CLMP: variants seen among roughly 807,000 people sequenced by gnomAD.
The protein encoded by CLMP is CXADR like cell adhesion molecule, also known as CXADR-like membrane protein.
In CLMP, 27 loss-of-function variants were observed where a neutral mutation model predicts 45.2. That is an observed-to-expected ratio of 0.60 (90% confidence interval 0.44 to 0.82). The LOEUF is 0.82. CLMP is among the 40% of genes least tolerant of loss of function. The pLI, the probability that CLMP is intolerant of heterozygous loss-of-function variation, is 0.00. For missense variants in CLMP, 403 were observed against 448.4 expected (o/e 0.90, Z 0.91); for synonymous variants, 167 against 171.4 (o/e 0.97, Z 0.20).
At chr11:123,158,560 G>A (rs1295923982) in intron 1 of CLMP, among the ~76,000 whole-genome samples, 2 of 152,140 alleles carry the variant, frequency 1.3e-5, no homozygotes, top group Admixed American at 6.6e-5. Context: ...GGCACTGCTC[G>A]TTGTTTTCCC....
chr11:123,153,846 CTTTT>C (rs60591379), intron 1 of CLMP, among the ~76,000 whole-genome samples: 2 of 123,904 alleles, frequency 1.6e-5, no homozygotes, highest in Non-Finnish European at 3.3e-5. Context: ...CCATGCCTCA[CTTTT>C]TTTTTTTTTT....
At chr11:123,074,043 A>G (rs908822512) in intron 6 of CLMP, among the ~76,000 whole-genome samples, 4 of 152,144 alleles carry the variant, frequency 2.6e-5, no homozygotes, top group Non-Finnish European at 4.4e-5. Context: ...CTCCTGATTT[A>G]GGGTTTGTCT....
chr11:123,112,162 ACT>A (rs1860647819), intron 1 of CLMP, among the ~76,000 whole-genome samples: 1 of 151,884 alleles, frequency 6.6e-6, no homozygotes. Flanking sequence ...TGGCAAAATA[ACT>A]CTGAAGGCTC....
intron 1 of CLMP, among the ~76,000 whole-genome samples, chr11:123,114,458 CCCTT>C (rs1328156011): frequency 1.3e-4 from 17 of 132,218 alleles, no homozygotes; most frequent in African/African-American, 3.8e-4. Context: ...CTCTCTCCCT[CCCTT>C]CCTTCCTTCC....
intron 1 of CLMP, among the ~76,000 whole-genome samples, chr11:123,103,802 C>T (rs1565382998): frequency 6.6e-6 from 1 of 150,692 alleles, no homozygotes; most frequent in Non-Finnish European, 1.5e-5. Flanking sequence ...TTTAAACCCA[C>T]CTAAGCAGAG....
chr11:123,075,351 C>T (rs1865725412), intron 5 of CLMP, among the ~76,000 whole-genome samples: 1 of 151,990 alleles, frequency 6.6e-6, no homozygotes, highest in Admixed American at 6.6e-5. Context: ...GTTACTGAAT[C>T]ACAGACTTCG....
At chr11:123,089,791 AAAGAAAAAG>A (rs1565379376) in intron 2 of CLMP, among the ~76,000 whole-genome samples, 5 of 135,990 alleles carry the variant, frequency 3.7e-5, no homozygotes, top group Admixed American at 1.5e-4. Context: ...AAAAAAAAAA[AAAGAAAAAG>A]AAAAAGAAAC....
chr11:123,075,761 T>C (rs1459969031), intron 5 of CLMP, among the ~76,000 whole-genome samples: 1 of 152,172 alleles, frequency 6.6e-6, no homozygotes, highest in East Asian at 1.9e-4. Flanking sequence ...AATCATAGCA[T>C]GTCTGAAGAT....
At chr11:123,076,009 C>A (rs1224495547) in intron 5 of CLMP, among the ~76,000 whole-genome samples, 1 of 152,050 alleles carries the variant, frequency 6.6e-6, no homozygotes, top group African/African-American at 2.4e-5. Flanking sequence ...CCCGTCTCTA[C>A]TAAAAATACA....
intron 1 of CLMP, among the ~76,000 whole-genome samples, chr11:123,135,424 G>A (rs1861058826): frequency 6.6e-6 from 1 of 152,118 alleles, no homozygotes; most frequent in Admixed American, 6.6e-5. Flanking sequence ...AATGTCCCAA[G>A]AGGGAACAGT....
chr11:123,110,672 G>A (rs180967541), intron 1 of CLMP, among the ~76,000 whole-genome samples: 163 of 152,254 alleles, frequency 1.1e-3, no homozygotes, highest in African/African-American at 3.8e-3. Flanking sequence ...AGCTGCGGGC[G>A]TCAGTCAAGG....
At chr11:123,169,462 C>T (rs1343655504) in intron 1 of CLMP, among the ~76,000 whole-genome samples, 1 of 152,158 alleles carries the variant, frequency 6.6e-6, no homozygotes, top group Admixed American at 6.5e-5. Flanking sequence ...CTTCCTTGGA[C>T]AAGACACTGA....
intron 1 of CLMP, among the ~76,000 whole-genome samples, chr11:123,132,981 C>G (rs916277156): frequency 6.6e-6 from 1 of 152,052 alleles, no homozygotes; most frequent in African/African-American, 2.4e-5. Context: ...GTTGGCCAGG[C>G]TGGTCTCAAA....
intron 1 of CLMP, among the ~76,000 whole-genome samples, chr11:123,150,496 G>GCAGGCAGGCAGGC (rs1565397509): frequency 2.3e-5 from 2 of 86,996 alleles, no homozygotes; most frequent in African/African-American, 4.5e-5. Flanking sequence ...AGGAAGGAAG[G>GCAGGCAGGCAGGC]AAGGAAGGAA....
At chr11:123,187,390 C>G (rs1861849576) in intron 1 of CLMP, among the ~76,000 whole-genome samples, 1 of 152,236 alleles carries the variant, frequency 6.6e-6, no homozygotes, top group South Asian at 2.1e-4. Flanking sequence ...GCTTATTGCT[C>G]TAAGTCTGAA....
At chr11:123,084,814 T>G in intron 2 of CLMP, 101 bp from the exon 3 acceptor site, 1 of 970,184 alleles carries the variant, frequency 1.0e-6, no homozygotes, top group Non-Finnish European at 1.6e-6. Context: ...TGGCACAAAG[T>G]AGTCAAGCCT....
intron 1 of CLMP, among the ~76,000 whole-genome samples, chr11:123,159,366 T>C (rs1288685727): frequency 6.6e-6 from 1 of 152,136 alleles, no homozygotes; most frequent in South Asian, 2.1e-4. Context: ...AGCCTGCATG[T>C]GACAGGAAGG....
At chr11:123,181,220 G>A (rs1317355675) in intron 1 of CLMP, among the ~76,000 whole-genome samples, 6 of 152,182 alleles carry the variant, frequency 3.9e-5, no homozygotes, top group East Asian at 1.9e-4. Flanking sequence ...TCCCAACACC[G>A]CCACACAGCC....
chr11:123,070,816 C>T lies in CLMP; in HGVS notation c.*2658G>A, dbSNP rs755112763. Reference sequence around the variant, plus strand: ...GTTAGTGTAAGAAGCATTCCAAATACGCCAGTTCTCTTAAACCCATAGCAG... The same window carrying T: ...GTTAGTGTAAGAAGCATTCCAAATATGCCAGTTCTCTTAAACCCATAGCAG... On this transcript the variant is annotated 3_prime_UTR_variant, in exon 7 of 7. Transcript: ENST00000448775. The T allele has an allele frequency of 1.3e-5, 2 of 152,174 alleles. No homozygotes were observed. The highest frequency in any genetic ancestry group is 6.5e-5 in the Admixed American group (1 of 15,276). 9.4% of individuals were successfully genotyped at this position (152,174 alleles called of 1,614,324 possible).
Sources: allele counts gnomAD v4.1 joint callset (sites outside exome capture counted in the v4.1 genomes callset), GRCh38; gene constraint gnomAD v4.1.1; transcripts MANE v1.5; gene names NCBI Gene and HGNC (gene_info 2026-07-23, HGNC 2026-07-21).